Variants in CECR2 observed in about 807,000 individuals in gnomAD.
CECR2 encodes the protein chromatin remodeling regulator CECR2.
A neutral mutation model predicts 154.5 loss-of-function variants in CECR2; 30 were observed. That is an observed-to-expected ratio of 0.19 (90% confidence interval 0.15 to 0.26). CECR2 has a LOEUF of 0.26. Ranked by LOEUF, CECR2 falls within the 10% of genes least tolerant of loss-of-function variation. The pLI is 1.00. For synonymous variants in CECR2, 725 were observed against 683.7 expected (o/e 1.06, Z -0.94); for missense variants, 1,743 against 1,829.3 (o/e 0.95, Z 0.86).
At chr22:17,366,044 A>G, upstream of CECR2, among the ~76,000 whole-genome samples, 1 of 152,208 alleles carries the variant, frequency 6.6e-6, no homozygotes, top group Admixed American at 6.5e-5. Flanking sequence ...AAAACATTTG[A>G]TTCAAAGGGG....
intron 1 of CECR2, among the ~76,000 whole-genome samples, chr22:17,376,147 T>C (rs943038738): frequency 6.6e-6 from 1 of 152,126 alleles, no homozygotes; most frequent in Non-Finnish European, 1.5e-5. Flanking sequence ...TGTGCTATCA[T>C]AATGTAACTC....
intron 1 of CECR2, among the ~76,000 whole-genome samples, chr22:17,391,524 C>G (rs1241670034): frequency 1.3e-5 from 2 of 152,184 alleles, no homozygotes; most frequent in Non-Finnish European, 2.9e-5. Context: ...TCTTGGTTGT[C>G]TCGTGTTCCA....
intron 1 of CECR2, among the ~76,000 whole-genome samples, chr22:17,461,370 T>TCTG (rs2054935037): frequency 6.6e-6 from 1 of 152,228 alleles, no homozygotes; most frequent in Non-Finnish European, 1.5e-5. Context: ...GAGACAGTAT[T>TCTG]TTTCAAGTCC....
chr22:17,529,011 C>T (rs767383318), intron 9 of CECR2, among the ~76,000 whole-genome samples: 9 of 151,870 alleles, frequency 5.9e-5, no homozygotes, highest in Non-Finnish European at 1.2e-4. Flanking sequence ...CAGGAGGACC[C>T]CTTGAGCGCA....
At chr22:17,364,194 T>A (rs1258985660) in intron 1 of CECR2, among the ~76,000 whole-genome samples, 3 of 151,478 alleles carry the variant, frequency 2.0e-5, no homozygotes, top group African/African-American at 7.3e-5. Context: ...ATACAAAAAA[T>A]TAGCTGGGTG....
intron 1 of CECR2, among the ~76,000 whole-genome samples, chr22:17,389,944 CATAT>C (rs1288807971): frequency 6.6e-6 from 1 of 152,054 alleles, no homozygotes; most frequent in African/African-American, 2.4e-5. Flanking sequence ...TTCTCTTATA[CATAT>C]AAGTACAATT....
At chr22:17,415,651 G>C (rs1246755898) in intron 1 of CECR2, among the ~76,000 whole-genome samples, 2 of 151,090 alleles carry the variant, frequency 1.3e-5, no homozygotes, top group African/African-American at 4.9e-5. Context: ...GGAAGCCTCC[G>C]ACAGGAAAAC....
chr22:17,434,484 C>CA (rs760188351), intron 1 of CECR2, among the ~76,000 whole-genome samples: 3 of 152,172 alleles, frequency 2.0e-5, no homozygotes, highest in Non-Finnish European at 4.4e-5. Context: ...TACATGGTGG[C>CA]AGTACAGTAG....
chr22:17,468,503 G>C (rs1275275618), intron 1 of CECR2, among the ~76,000 whole-genome samples: 4 of 152,112 alleles, frequency 2.6e-5, no homozygotes, highest in Non-Finnish European at 4.4e-5. Flanking sequence ...AACATAGTGA[G>C]ATCCTGTCTC....
rs1371508220 is a variant in CECR2 at position 17,542,443 on chromosome 22, A to G, written c.2300A>G (p.Asn767Ser). Residue 767 changes from asparagine to serine, a missense_variant, in exon 16 of 19, where the codon AAT becomes AGT. Physicochemically the swap from Asn to Ser is conservative, Grantham distance 46. Around this residue, in one of 4 missense-constraint regions of CECR2, gnomAD observed 1,250 missense variants for 1,192.1 expected, o/e 1.05. Transcript: ENST00000262608. Reference protein sequence around the residue: ...SHMYRSYKYLNRVHSAVWNGN... With the variant: ...SHMYRSYKYLSRVHSAVWNGN... ...ATGTATCGATCGTACAAGTACCTGA[A>G]TCGAGTACACTCTGCCGTCTGGAAT... is the stretch of plus-strand genomic sequence containing the variant. 1 of 1,613,824 alleles carries G rather than the reference A, an allele frequency of 6.2e-7. No homozygotes were observed.
chr22:17,424,149 G>T (rs1291457024), intron 1 of CECR2, among the ~76,000 whole-genome samples: 1 of 152,042 alleles, frequency 6.6e-6, no homozygotes, highest in Non-Finnish European at 1.5e-5. Flanking sequence ...TACCTACCAG[G>T]CTAGTCTTGA....
At chr22:17,379,250 G>A (rs879819665) in intron 1 of CECR2, among the ~76,000 whole-genome samples, 1 of 152,028 alleles carries the variant, frequency 6.6e-6, no homozygotes, top group Non-Finnish European at 1.5e-5. Context: ...AGCCCCCCGC[G>A]CCTGGCATTG....
At chr22:17,376,166 T>A (rs1248830094) in intron 1 of CECR2, among the ~76,000 whole-genome samples, 1 of 152,062 alleles carries the variant, frequency 6.6e-6, no homozygotes, top group Admixed American at 6.6e-5. Context: ...TCTTTAAAAG[T>A]GAATACCAGG....
intron 7 of CECR2, among the ~76,000 whole-genome samples, chr22:17,508,812 T>C (rs989611204): frequency 2.6e-5 from 4 of 152,224 alleles, no homozygotes; most frequent in African/African-American, 9.6e-5. Flanking sequence ...AACACATGAC[T>C]GCGTGTCAGA....
intron 2 of CECR2, among the ~76,000 whole-genome samples, chr22:17,485,165 T>G (rs2055398974): frequency 6.6e-6 from 1 of 152,130 alleles, no homozygotes; most frequent in Non-Finnish European, 1.5e-5. Flanking sequence ...CCGACAGCCC[T>G]CTAATAGAAA....
At chr22:17,543,590 C>T (rs1206291012) in intron 16 of CECR2, among the ~76,000 whole-genome samples, 4 of 149,078 alleles carry the variant, frequency 2.7e-5, no homozygotes, top group East Asian at 2.0e-4. Flanking sequence ...GAGACAGAGT[C>T]CCACTCTTGC....
chr22:17,496,862 G>A (rs1015729636), intron 2 of CECR2, among the ~76,000 whole-genome samples: 4 of 152,180 alleles, frequency 2.6e-5, no homozygotes, highest in Admixed American at 2.6e-4. Flanking sequence ...GGGCTTTAAA[G>A]TCAACCTATT....
At chr22:17,532,319 T>C (rs756466711) in intron 9 of CECR2, among the ~76,000 whole-genome samples, 1 of 152,234 alleles carries the variant, frequency 6.6e-6, no homozygotes, top group Non-Finnish European at 1.5e-5. Context: ...AATCTAGTTA[T>C]TGACAGGGTT....
chr22:17,485,987 T>C (rs1397635040), intron 2 of CECR2, among the ~76,000 whole-genome samples: 1 of 152,032 alleles, frequency 6.6e-6, no homozygotes, highest in African/African-American at 2.4e-5. Flanking sequence ...GTTTGTTCTG[T>C]TTTTGTTTTG....
Sources: allele counts gnomAD v4.1 joint callset (sites outside exome capture counted in the v4.1 genomes callset), GRCh38; gene constraint gnomAD v4.1.1; regional missense constraint gnomAD v4.1.1; transcripts MANE v1.5; gene names NCBI Gene and HGNC (gene_info 2026-07-23, HGNC 2026-07-21).